The following UNC79 variants were observed in gnomAD, a reference collection of about 807,000 sequenced individuals.
The protein encoded by UNC79 is unc-79 subunit of NALCN channel complex, also known as protein unc-79 homolog.
UNC79 carries 37 observed loss-of-function variants against 283.1 expected under a neutral mutation model. The observed-to-expected ratio is 0.13, with a 90% confidence interval of 0.10 to 0.17. The LOEUF (loss-of-function observed/expected upper bound fraction) is 0.17. Ranked by LOEUF, UNC79 falls within the 10% of genes least tolerant of loss-of-function variation. The pLI is 1.00. For synonymous variants in UNC79, 1,107 were observed against 1,200.2 expected (o/e 0.92, Z 1.61); for missense variants, 2,272 against 3,211.1 (o/e 0.71, Z 7.07).
intron 1 of UNC79, among the ~76,000 whole-genome samples, chr14:93,340,904 G>GT (rs1240332567): frequency 4.6e-5 from 7 of 152,066 alleles, no homozygotes; most frequent in African/African-American, 1.2e-4. Context: ...GTTAAAATAC[G>GT]TAAGGACGCA....
chr14:93,408,663 G>T (rs966914344), intron 1 of UNC79, among the ~76,000 whole-genome samples: 1 of 152,140 alleles, frequency 6.6e-6, no homozygotes, highest in Non-Finnish European at 1.5e-5. Context: ...CTGCATTCTA[G>T]CCTAGGCAAC....
chr14:93,380,809 G>A (rs924864728), intron 1 of UNC79, among the ~76,000 whole-genome samples: 2 of 152,142 alleles, frequency 1.3e-5, no homozygotes, highest in Non-Finnish European at 2.9e-5. Context: ...TTATACTCAT[G>A]TTTTTGCCAA....
At chr14:93,386,763 C>T (rs1322311993) in intron 1 of UNC79, among the ~76,000 whole-genome samples, 1 of 151,980 alleles carries the variant, frequency 6.6e-6, no homozygotes, top group Non-Finnish European at 1.5e-5. Flanking sequence ...GTATTAGTTA[C>T]AGTGCCTCCT....
chr14:93,455,988 A>G (rs1442613123), intron 1 of UNC79, among the ~76,000 whole-genome samples: 1 of 150,512 alleles, frequency 6.6e-6, no homozygotes, highest in Non-Finnish European at 1.5e-5. Flanking sequence ...GGCAAGGAGG[A>G]GGGTTCAGGT....
At chr14:93,485,190 A>G (rs1325853513) in intron 4 of UNC79, among the ~76,000 whole-genome samples, 1 of 139,640 alleles carries the variant, frequency 7.2e-6, no homozygotes, top group Non-Finnish European at 1.5e-5. Flanking sequence ...ATATATGTAT[A>G]TATATGTGTA....
intron 11 of UNC79, among the ~76,000 whole-genome samples, 179 bp from the exon 12 acceptor site, chr14:93,537,810 T>C (rs185473744): frequency 1.2e-4 from 18 of 152,368 alleles, no homozygotes; most frequent in African/African-American, 4.3e-4. Flanking sequence ...ACTCCTCGCC[T>C]TTATTTTTTA....
At chr14:93,652,431 A>G (rs952359967) in intron 35 of UNC79, among the ~76,000 whole-genome samples, 1 of 151,524 alleles carries the variant, frequency 6.6e-6, no homozygotes, top group Non-Finnish European at 1.5e-5. Flanking sequence ...AGTTTTTTGT[A>G]TTTTTTGTAG....
intron 22 of UNC79, among the ~76,000 whole-genome samples, chr14:93,592,416 C>T (rs532960741): frequency 6.6e-6 from 1 of 152,178 alleles, no homozygotes. Context: ...CCTTGTGATC[C>T]ACCTGCCTCA....
chr14:93,415,474 A>G (rs572244547), intron 1 of UNC79, among the ~76,000 whole-genome samples: 5,068 of 152,150 alleles, frequency 0.033, 284 homozygotes, highest in African/African-American at 0.12. Context: ...TATTGGTCTA[A>G]AATTCTCTTT....
In UNC79 at chr14:93,361,522, AAAAG is replaced by A. The variant is rs1163284832; in HGVS notation, c.-351+28007_-351+28010del. On this transcript the variant is annotated intron_variant, in intron 1 of 49. Coordinates refer to the UNC79 transcript ENST00000256339. ...TGAGACACTATCTCAAAAAAAAAAA[AAAAG>A]AAAGAAATGCTACTGGTTTTTATAC... Among the ~76,000 whole-genome samples, 9 of 151,880 alleles carry A rather than the reference AAAAG, an allele frequency of 5.9e-5. No homozygotes were observed. In the East Asian group the frequency reaches 7.7e-4, roughly 13 times the overall value.
intron 1 of UNC79, among the ~76,000 whole-genome samples, chr14:93,414,347 C>T (rs1348468657): frequency 2.6e-5 from 4 of 152,100 alleles, no homozygotes; most frequent in Admixed American, 6.6e-5. Flanking sequence ...AGATATGTGG[C>T]GTTATTTCTG....
At chr14:93,515,706 A>G (rs2140908378) in intron 7 of UNC79, among the ~76,000 whole-genome samples, 1 of 152,182 alleles carries the variant, frequency 6.6e-6, no homozygotes, top group Middle Eastern at 3.4e-3. Flanking sequence ...TGAAGTTACC[A>G]ATGAACTTTT....
At chr14:93,385,242 CTG>C (rs1344936646) in intron 1 of UNC79, among the ~76,000 whole-genome samples, 1 of 152,126 alleles carries the variant, frequency 6.6e-6, no homozygotes, top group East Asian at 1.9e-4. Context: ...TGCATTGAAT[CTG>C]TAGATTGCAT....
chr14:93,668,849 C>CA (rs35266903), intron 40 of UNC79, among the ~76,000 whole-genome samples: 2,296 of 74,302 alleles, frequency 0.031, 39 homozygotes, highest in African/African-American at 0.08. Flanking sequence ...GTGTCCTTCA[C>CA]AAAAAAAAAA....
At position 93,678,149 on chromosome 14, in the gene UNC79, G is replaced by A. The variant is rs533160412; in HGVS notation, c.6742-4468G>A. On this transcript the variant is annotated intron_variant, in intron 41 of 48. Transcript: ENST00000555664. ...TCACCTCCTGGCACTTGGACAACCA[G>A]GCTTACATCAGGGACAGATGATCTG... is the stretch of plus-strand genomic sequence containing the variant. 9.3e-4 allele frequency among the ~76,000 whole-genome samples: 142 copies of A among 152,302 alleles called. 1 individual carries two copies. Among genetic ancestry groups the A allele is most frequent in the African/African-American group, 3.3e-3 (138 of 41,554 alleles).
intron 39 of UNC79, 145 bp from the exon 43 acceptor site, chr14:93,662,459 T>G (rs2071698513): frequency 1.8e-6 from 1 of 542,122 alleles, no homozygotes; most frequent in East Asian, 2.9e-5. Flanking sequence ...ATTAGACCAA[T>G]GGGGTTGCTA....
At position 93,641,694 on chromosome 14, in the gene UNC79, T is replaced by C. The variant is rs369774785; in HGVS notation, c.5903+447T>C. On this transcript the variant is annotated intron_variant, in intron 33 of 48. Transcript: ENST00000555664. ...CAAAGCACTTGTAAGATTTCAAGTT[T>C]AGAGAAATCCCCTTGGACCAGGAAG... is the stretch of plus-strand genomic sequence containing the variant. 1.8e-4 allele frequency among the ~76,000 whole-genome samples: 28 copies of C among 152,302 alleles called. No individual in the cohort carries two copies. The East Asian group carries it at 5.0e-3, about 27-fold the overall frequency.
intron 26 of UNC79, among the ~76,000 whole-genome samples, chr14:93,605,994 G>T (rs1183704508): frequency 1.3e-5 from 2 of 152,122 alleles, no homozygotes; most frequent in African/African-American, 4.8e-5. Flanking sequence ...ATAAAAATAA[G>T]AACTTCTGAT....
chr14:93,358,592 G>A (rs1469131881), intron 1 of UNC79, among the ~76,000 whole-genome samples: 1 of 152,192 alleles, frequency 6.6e-6, no homozygotes, highest in Admixed American at 6.5e-5. Flanking sequence ...ATGGGACCCT[G>A]CAACTTGGAA....
Sources: allele counts gnomAD v4.1 joint callset (sites outside exome capture counted in the v4.1 genomes callset), GRCh38; gene constraint gnomAD v4.1.1; transcripts MANE v1.5; gene names NCBI Gene and HGNC (gene_info 2026-07-23, HGNC 2026-07-21).